The following MXI1 variants were observed in gnomAD, a reference collection of about 807,000 sequenced individuals.
The protein encoded by MXI1 is max-interacting protein 1.
In MXI1, 18 loss-of-function variants were observed where a neutral mutation model predicts 36.9. The ratio of observed to expected loss-of-function variants is 0.49; its 90% CI spans 0.34 to 0.72. The LOEUF is 0.72. Among genes scored for constraint, MXI1 ranks in the 30% least tolerant of loss-of-function variants. The pLI is 0.01. For missense variants in MXI1, 304 were observed against 379.1 expected (o/e 0.80, Z 1.64); for synonymous variants, 160 against 146.7 (o/e 1.09, Z -0.65).
intron 1 of MXI1, among the ~76,000 whole-genome samples, chr10:110,216,640 C>T (rs566042106): frequency 7.1e-6 from 1 of 140,990 alleles, no homozygotes; most frequent in East Asian, 2.0e-4. Context: ...TCTTTCCCTC[C>T]CTGTCTCCCC....
chr10:110,209,607 G>C (rs2134319272), intron 1 of MXI1, among the ~76,000 whole-genome samples: 1 of 152,318 alleles, frequency 6.6e-6, no homozygotes, highest in East Asian at 1.9e-4. Flanking sequence ...TGCGAGAAAG[G>C]CGCATCGCAG....
intron 1 of MXI1, among the ~76,000 whole-genome samples, chr10:110,225,724 G>A (rs746430472): frequency 1.3e-5 from 2 of 151,808 alleles, no homozygotes; most frequent in Admixed American, 6.5e-5. Context: ...GTGTCTGGAG[G>A]GAGGAAAAAA....
intron 3 of MXI1, among the ~76,000 whole-genome samples, chr10:110,275,713 T>C (rs1376661696): frequency 3.3e-5 from 5 of 152,230 alleles, no homozygotes; most frequent in Non-Finnish European, 7.3e-5. Context: ...TCCAAATGCC[T>C]GTTTCATTTA....
At position 110,276,854 on chromosome 10, in the gene MXI1, T is replaced by TTTTTC. The variant is rs1857052818; in HGVS notation, c.438-2323_438-2319dup. 2.6e-5 allele frequency among the ~76,000 whole-genome samples: 4 copies of TTTTTC among 151,282 alleles called. No individual in the cohort carries two copies. The South Asian group carries it at 6.3e-4, about 24-fold the overall frequency. On this transcript the variant is annotated intron_variant, in intron 3 of 5. Coordinates refer to ENST00000332674, the MANE Select transcript of MXI1 (RefSeq NM_130439.3). Reference sequence around the variant, plus strand: ...CTTTCTTTTCTTTTCTTTTTTTTTTTTTTTCTTCCTGAGGCAGAGTTTCAC... The same window carrying TTTTTC: ...CTTTCTTTTCTTTTCTTTTTTTTTTTTTTTCTTTTCTTCCTGAGGCAGAGTTTCAC...
At chr10:110,232,550 C>G (rs1242863202) in intron 2 of MXI1, among the ~76,000 whole-genome samples, 1 of 152,114 alleles carries the variant, frequency 6.6e-6, no homozygotes, top group Admixed American at 6.5e-5. Context: ...TTCTTAAATT[C>G]GTGTCCTATT....
chr10:110,252,725 T>G (rs1856142566), intron 3 of MXI1, among the ~76,000 whole-genome samples: 1 of 152,106 alleles, frequency 6.6e-6, no homozygotes, highest in South Asian at 2.1e-4. Flanking sequence ...AAAAATTCAT[T>G]GAATGAAAAA....
intron 3 of MXI1, chr10:110,245,622 A>G (rs943387688): frequency 2.0e-5 from 3 of 152,204 alleles, no homozygotes; most frequent in Non-Finnish European, 4.4e-5. Context: ...GGTGTTGAAG[A>G]GTCTTGTCTA....
rs78983589 is a variant in MXI1 at position 110,259,900 on chromosome 10, C to T, written c.437+15043C>T. On this transcript the variant is annotated intron_variant, in intron 3 of 5. Transcript: ENST00000332674. ...TTACTAGCTAACCAGTTCTTTAAGA[C>T]GAATTTGTTTGGAAAATAATTAATC... Among the ~76,000 whole-genome samples the T allele has an allele frequency of 3.9e-3, 588 of 152,100 alleles. 2 individuals carry two copies. The highest frequency in any genetic ancestry group is 0.013 in the African/African-American group (546 of 41,544).
At chr10:110,251,338 C>T (rs778201304) in intron 3 of MXI1, among the ~76,000 whole-genome samples, 6 of 152,028 alleles carry the variant, frequency 3.9e-5, no homozygotes, top group Non-Finnish European at 8.8e-5. Context: ...CTTTCAGCAA[C>T]AATTAATAAA....
chr10:110,244,274 A>G (rs1490989742), intron 2 of MXI1, among the ~76,000 whole-genome samples: 3 of 152,040 alleles, frequency 2.0e-5, no homozygotes, highest in East Asian at 1.9e-4. Flanking sequence ...TTTTTTCTTT[A>G]TATTAATTTT....
chr10:110,270,499 G>C (rs909867765), intron 3 of MXI1, among the ~76,000 whole-genome samples: 23 of 151,168 alleles, frequency 1.5e-4, no homozygotes, highest in Non-Finnish European at 1.2e-4. Flanking sequence ...ATGAATGCAG[G>C]ATAATTAAAA....
Position 110,244,819 on chromosome 10 carries a change from GTC to G in MXI1, c.408-7_408-6del. The G allele has an allele frequency of 8.4e-7, 1 of 1,187,636 alleles. No individual in the cohort carries two copies. The highest frequency in any genetic ancestry group is 1.1e-6 in the Non-Finnish European group (1 of 930,890). The allele number at this position is 1,187,636 out of a possible 1,614,324, so 73.6% of individuals were successfully genotyped here. A position where few individuals can be genotyped will look rare whatever the true frequency, so the allele number is the denominator to read the frequency against. ...ATGGCTAATGCTTTTTTTTTTTTTT[GTC>G]TTTTAGATCTACACACAATGAGCTG... On this transcript the variant is annotated splice_polypyrimidine_tract_variant and splice_region_variant and intron_variant, in intron 2 of 5. Coordinates refer to ENST00000332674, the MANE Select transcript of MXI1 (RefSeq NM_130439.3).
intron 2 of MXI1, among the ~76,000 whole-genome samples, chr10:110,241,023 C>T (rs1855652353): frequency 6.6e-6 from 1 of 151,852 alleles, no homozygotes; most frequent in Non-Finnish European, 1.5e-5. Context: ...CTTTGACTGC[C>T]ACCAAACTAC....
intron 2 of MXI1, among the ~76,000 whole-genome samples, chr10:110,230,922 G>C (rs2134361618): frequency 6.6e-6 from 1 of 152,312 alleles, no homozygotes; most frequent in East Asian, 1.9e-4. Context: ...TAGTGTGGAA[G>C]TAGCTGTTAT....
intron 3 of MXI1, among the ~76,000 whole-genome samples, chr10:110,250,843 A>AT (rs1302070805): frequency 7.4e-5 from 10 of 135,458 alleles, no homozygotes; most frequent in East Asian, 2.0e-4. Flanking sequence ...AAAAAAAAAA[A>AT]AAAAATAACA....
intron 5 of MXI1, among the ~76,000 whole-genome samples, chr10:110,280,679 C>CA (rs754769947): frequency 0.072 from 8,487 of 117,600 alleles, 506 homozygotes; most frequent in East Asian, 0.31. Context: ...GGTTCCGTCT[C>CA]AAAAAAAAAA....
At chr10:110,273,909 G>GAC (rs1258127658) in intron 3 of MXI1, among the ~76,000 whole-genome samples, 2 of 152,150 alleles carry the variant, frequency 1.3e-5, no homozygotes, top group African/African-American at 4.8e-5. Flanking sequence ...TTGTTGGACA[G>GAC]GGGTATTAGA....
At chr10:110,261,810 A>G (rs536209877) in intron 3 of MXI1, among the ~76,000 whole-genome samples, 255 of 152,000 alleles carry the variant, frequency 1.7e-3, no homozygotes, top group Non-Finnish European at 2.5e-3. Flanking sequence ...TTGACTATAT[A>G]CTCCCCCTGC....
intron 3 of MXI1, among the ~76,000 whole-genome samples, chr10:110,267,481 T>C (rs915052843): frequency 2.0e-4 from 30 of 152,226 alleles, no homozygotes; most frequent in Non-Finnish European, 3.7e-4. Context: ...AGAATTGTAA[T>C]GTTTGTAGGC....
Sources: allele counts gnomAD v4.1 joint callset (sites outside exome capture counted in the v4.1 genomes callset), GRCh38; gene constraint gnomAD v4.1.1; transcripts MANE v1.5; gene names NCBI Gene and HGNC (gene_info 2026-07-23, HGNC 2026-07-21).